The following CSMD1 variants were observed in gnomAD, a reference collection of about 807,000 sequenced individuals.
The protein encoded by CSMD1 is CUB and Sushi multiple domains 1.
Under a neutral mutation model 417.5 loss-of-function variants are expected in CSMD1, and 213 were observed. The ratio of observed to expected loss-of-function variants is 0.51; its 90% CI spans 0.46 to 0.57. The LOEUF (loss-of-function observed/expected upper bound fraction) is 0.57, where lower values mean the gene tolerates loss of function less well. Ranked by LOEUF, CSMD1 falls within the 20% of genes least tolerant of loss-of-function variation. The probability of loss-of-function intolerance (pLI) is 0.00; values close to 1 mark genes in which losing one functional copy is unlikely to be tolerated. For synonymous variants in CSMD1, 2,862 were observed against 1,736.8 expected (o/e 1.65, Z -16.11); for missense variants, 6,923 against 4,529.7 (o/e 1.53, Z -15.17).
In CSMD1 at chr8:3,457,275, C is replaced by A. The variant is rs111499253; in HGVS notation, c.1561+11437G>T. Among the ~76,000 whole-genome samples, 291 of 152,098 alleles carry A rather than the reference C, an allele frequency of 1.9e-3. 2 individuals are homozygous for A. The highest frequency in any genetic ancestry group is 6.4e-3 in the African/African-American group (264 of 41,478). ...GAACCTGTTTCCCTTGCCCTGTACC[C>A]CTCATCTTCACCCCTCATCCTACAC... On this transcript the variant is annotated intron_variant, in intron 12 of 69. Coordinates refer to ENST00000635120, the MANE Select transcript of CSMD1 (RefSeq NM_033225.6).
intron 7 of CSMD1, among the ~76,000 whole-genome samples, chr8:3,680,246 G>T (rs189038065): frequency 6.6e-6 from 1 of 152,110 alleles, no homozygotes; most frequent in Non-Finnish European, 1.5e-5. Flanking sequence ...ATGAATCCAG[G>T]AGCTGGTTTT....
At chr8:4,835,430 G>A (rs148551472) in intron 1 of CSMD1, among the ~76,000 whole-genome samples, 1 of 152,130 alleles carries the variant, frequency 6.6e-6, no homozygotes, top group South Asian at 2.1e-4. Flanking sequence ...AGAGACAAGA[G>A]GTAGAACTAG....
At chr8:3,872,538 C>G (rs556755505) in intron 5 of CSMD1, among the ~76,000 whole-genome samples, 1 of 152,174 alleles carries the variant, frequency 6.6e-6, no homozygotes, top group Non-Finnish European at 1.5e-5. Flanking sequence ...CACTGAAAGG[C>G]TGATCTCAAG....
intron 1 of CSMD1, among the ~76,000 whole-genome samples, chr8:4,891,487 G>C (rs532228204): frequency 1.3e-5 from 2 of 152,126 alleles, no homozygotes; most frequent in Non-Finnish European, 2.9e-5. Context: ...TGAAAGGTCT[G>C]TAATTAAAAG....
rs112983101 is a variant in CSMD1, at chr8:3,005,722, C to A, written c.8030-5591G>T. On this transcript the variant is annotated intron_variant, in intron 52 of 69. Transcript: ENST00000635120. Reference sequence around the variant, plus strand: ...AAAGGCCTTTGACAAAATTCAACAACGCTTCATGCTAAAAACTCTCAATAA... The same window carrying A: ...AAAGGCCTTTGACAAAATTCAACAAAGCTTCATGCTAAAAACTCTCAATAA... Among the ~76,000 whole-genome samples the A allele has an allele frequency of 6.6e-3, 1,007 of 152,094 alleles. 10 individuals are homozygous for A. Among genetic ancestry groups the A allele is most frequent in the African/African-American group, 0.023 (947 of 41,476 alleles).
chr8:3,954,609 A>T (rs1811812965), intron 5 of CSMD1, among the ~76,000 whole-genome samples: 2 of 152,160 alleles, frequency 1.3e-5, no homozygotes, highest in Admixed American at 6.5e-5. Context: ...TGATCCGCCC[A>T]CCTTGGCCTC....
At chr8:4,264,764 T>A (rs1199292803) in intron 3 of CSMD1, among the ~76,000 whole-genome samples, 3 of 152,178 alleles carry the variant, frequency 2.0e-5, no homozygotes, top group Non-Finnish European at 4.4e-5. Context: ...TAGAACGTTC[T>A]TTGGCCATTT....
chr8:3,822,252 C>G (rs534556263), intron 5 of CSMD1, among the ~76,000 whole-genome samples: 19 of 152,208 alleles, frequency 1.2e-4, no homozygotes, highest in African/African-American at 4.3e-4. Flanking sequence ...AACCTCTGGA[C>G]GCATCCCTTA....
rs1156302535 is a variant in CSMD1 at position 3,671,016 on chromosome 8, TATATGGGATATATGC to T, written c.1009+37383_1009+37397del. ...GATATATATGTATGGGATATATATG[TATATGGGATATATGC>T]ATATGGGATATATATGTATATAGGA... On this transcript the variant is annotated intron_variant, in intron 7 of 69. Transcript: ENST00000635120. Among the ~76,000 whole-genome samples the T allele has an allele frequency of 9.0e-4, 96 of 106,186 alleles. 3 individuals carry two copies. The South Asian group carries it at 0.024, about 27-fold the overall frequency. 69.7% of individuals were successfully genotyped at this position (106,186 alleles called of 152,430 possible).
intron 9 of CSMD1, among the ~76,000 whole-genome samples, chr8:3,581,974 C>A (rs149721032): frequency 6.6e-5 from 10 of 152,174 alleles, no homozygotes; most frequent in African/African-American, 2.2e-4. Context: ...CTAGCTAACT[C>A]TGCAGAGACA....
intron 4 of CSMD1, among the ~76,000 whole-genome samples, chr8:4,013,358 C>G (rs1018600000): frequency 6.6e-6 from 1 of 152,178 alleles, no homozygotes; most frequent in Non-Finnish European, 1.5e-5. Flanking sequence ...CCTGGTTGAT[C>G]CCTCTGTCAG....
intron 2 of CSMD1, among the ~76,000 whole-genome samples, chr8:4,513,634 G>T (rs904073170): frequency 6.6e-6 from 1 of 152,192 alleles, no homozygotes; most frequent in Admixed American, 6.5e-5. Context: ...ATGAAACAAT[G>T]AAGTTAAAGG....
chr8:3,321,275 C>T (rs1806136858), intron 23 of CSMD1, among the ~76,000 whole-genome samples: 1 of 152,110 alleles, frequency 6.6e-6, no homozygotes. Context: ...TCACCCTGGT[C>T]CCAGTCTTCT....
At chr8:4,207,186 T>C (rs1800029092) in intron 3 of CSMD1, among the ~76,000 whole-genome samples, 1 of 152,156 alleles carries the variant, frequency 6.6e-6, no homozygotes, top group Non-Finnish European at 1.5e-5. Flanking sequence ...AGATTACAAG[T>C]TGACGTAGAT....
chr8:3,542,100 A>G (rs1798465301), intron 10 of CSMD1, among the ~76,000 whole-genome samples: 1 of 152,176 alleles, frequency 6.6e-6, no homozygotes, highest in Non-Finnish European at 1.5e-5. Flanking sequence ...TATAGTCTTT[A>G]AAAAATTCAA....
intron 7 of CSMD1, among the ~76,000 whole-genome samples, chr8:3,635,613 A>G (rs1796999461): frequency 6.6e-6 from 1 of 151,020 alleles, no homozygotes. Context: ...CCTCCTGAGT[A>G]GCTGGGACTA....
intron 4 of CSMD1, among the ~76,000 whole-genome samples, chr8:4,008,072 G>A (rs971711809): frequency 6.6e-6 from 1 of 152,174 alleles, no homozygotes; most frequent in Non-Finnish European, 1.5e-5. Flanking sequence ...ACAAGTCCAG[G>A]AGGTTTTTTC....
In CSMD1 at chr8:3,698,050, TC is replaced by T. The variant is rs1025553749; in HGVS notation, c.1009+10363del. ...TATGTATTTTAATAGATCCTTTTTT[TC>T]TGTTTATTTAAAAAATTATATGATA... On this transcript the variant is annotated intron_variant, in intron 7 of 69. Coordinates refer to ENST00000635120, the MANE Select transcript of CSMD1 (RefSeq NM_033225.6). 1.0e-3 allele frequency among the ~76,000 whole-genome samples: 159 copies of T among 151,820 alleles called. 1 individual carries two copies. Among genetic ancestry groups the T allele is most frequent in the African/African-American group, 3.7e-3 (154 of 41,300 alleles).
intron 37 of CSMD1, among the ~76,000 whole-genome samples, chr8:3,164,323 C>G (rs1196088112): frequency 6.6e-6 from 1 of 152,094 alleles, no homozygotes; most frequent in Non-Finnish European, 1.5e-5. Context: ...CCTTAAATGG[C>G]TGCATTTTTA....
Sources: allele counts gnomAD v4.1 joint callset (sites outside exome capture counted in the v4.1 genomes callset), GRCh38; gene constraint gnomAD v4.1.1; transcripts MANE v1.5; gene names NCBI Gene and HGNC (gene_info 2026-07-23, HGNC 2026-07-21).